The following F9 variants were observed in gnomAD, a reference collection of about 807,000 sequenced individuals.
F9 encodes coagulation factor IX, also known as Christmas factor.
Under a neutral mutation model 34.1 loss-of-function variants are expected in F9, and 2 were observed. The observed-to-expected ratio is 0.06, with a 90% confidence interval of 0.02 to 0.18. The LOEUF is 0.18. Ranked by LOEUF, F9 falls within the 10% of genes least tolerant of loss-of-function variation. The pLI is 1.00. For synonymous variants in F9, 137 were observed against 118.8 expected (o/e 1.15, Z -1.00); for missense variants, 216 against 345.1 (o/e 0.63, Z 2.96).
Position 139,541,150 on chromosome X carries a change from T to C in F9, c.352T>C (p.Trp118Arg). ...GGATGACATTAATTCCTATGAATGT[T>C]GGTGTCCCTTTGGATTTGAAGGAAA... ...CKDDINSYEC[W>R]CPFGFEGKNC... Residue 118 changes from tryptophan to arginine, a missense_variant, in exon 4 of 8, where the codon TGG becomes CGG. Coordinates refer to ENST00000218099, the MANE Select transcript of F9 (RefSeq NM_000133.4). The C allele has an allele frequency of 8.3e-7, 1 of 1,198,455 alleles. No individual in the cohort carries two copies. Among genetic ancestry groups the C allele is most frequent in the Non-Finnish European group, 1.1e-6 (1 of 885,612 alleles).
intron 6 of F9, among the ~76,000 whole-genome samples, chrX:139,557,337 T>C (rs1369837757): frequency 8.9e-6 from 1 of 112,234 alleles, no homozygotes; most frequent in Non-Finnish European, 1.9e-5. Flanking sequence ...ACCAAGTAGT[T>C]TGTAATATCT....
rs1172351818 is a variant in F9 at position 139,562,497 on chromosome X, C to T, written c.*426C>T. On this transcript the variant is annotated 3_prime_UTR_variant, in exon 8 of 8. Coordinates refer to ENST00000218099, the MANE Select transcript of F9 (RefSeq NM_000133.4). ...ACAGGATCTTTGGTCTACTCTATCA[C>T]AAGGCCAGTACCACACTCATGAAGA... The T allele has an allele frequency of 6.8e-6, 1 of 146,598 alleles. No individual in the cohort carries two copies. Among genetic ancestry groups the T allele is most frequent in the Admixed American group, 7.6e-5 (1 of 13,114 alleles). The allele number at this position is 146,598 out of a possible 1,213,427, so 12.1% of individuals were successfully genotyped here.
intron 3 of F9, among the ~76,000 whole-genome samples, chrX:139,540,454 C>T (rs1927577376): frequency 8.9e-6 from 1 of 111,838 alleles, no homozygotes; most frequent in Non-Finnish European, 1.9e-5. Flanking sequence ...CCATTTGAAA[C>T]CGAATTTGTA....
intron 1 of F9, among the ~76,000 whole-genome samples, chrX:139,532,591 C>G (rs780520320): frequency 9.0e-6 from 1 of 111,085 alleles, no homozygotes; most frequent in African/African-American, 3.3e-5. Context: ...AGCATGAGGC[C>G]AGGTGAGAGG....
intron 1 of F9, among the ~76,000 whole-genome samples, chrX:139,535,113 G>A (rs1350329622): frequency 9.0e-6 from 1 of 111,313 alleles, no homozygotes; most frequent in Non-Finnish European, 1.9e-5. Flanking sequence ...CACTTTCAGA[G>A]GCCCAGGCAG....
intron 5 of F9, among the ~76,000 whole-genome samples, chrX:139,550,239 A>C (rs1335158149): frequency 1.8e-5 from 2 of 112,445 alleles, no homozygotes; most frequent in Non-Finnish European, 3.7e-5. Context: ...ACACTTATAC[A>C]TAAGTATTTT....
Position 139,561,582 on chromosome X carries a change from T to G in F9, c.897T>G (p.Ile299Met). ...HTEQKRNVIR[I>M]IPHHNYNAAI... Reference sequence around the variant, plus strand: ...AGCAAAAGCGAAATGTGATTCGAATTATTCCTCACCACAACTACAATGCAG... The same window carrying G: ...AGCAAAAGCGAAATGTGATTCGAATGATTCCTCACCACAACTACAATGCAG... The change falls in exon 8 of 8, where the codon ATT becomes ATG. Residue 299 changes from isoleucine to methionine, a missense_variant. By Grantham distance (10) the Ile-to-Met change is conservative (BLOSUM62 1). Transcript: ENST00000218099. 8.3e-7 allele frequency: 1 copy of G among 1,207,912 alleles called. No homozygotes were observed. Among genetic ancestry groups the G allele is most frequent in the Non-Finnish European group, 1.1e-6 (1 of 892,754 alleles).
intron 7 of F9, 64 bp downstream of exon 7, chrX:139,560,919 A>G: frequency 5.9e-6 from 5 of 851,731 alleles, no homozygotes; most frequent in South Asian, 2.0e-5. Flanking sequence ...TTGGTACACC[A>G]TATTTTACTA....
intron 3 of F9, among the ~76,000 whole-genome samples, chrX:139,538,755 C>T (rs1453126537): frequency 2.7e-5 from 3 of 110,471 alleles, no homozygotes; most frequent in South Asian, 3.9e-4. Flanking sequence ...AAATCCATGC[C>T]GATTTTCCCC....
At chrX:139,557,556 A>G (rs4149729) in intron 6 of F9, among the ~76,000 whole-genome samples, 42 of 112,131 alleles carry the variant, frequency 3.7e-4, no homozygotes, top group African/African-American at 1.4e-3. Flanking sequence ...GATGTCATCC[A>G]TCCTGGCCTA....
In F9 at chrX:139,536,943, G is replaced by C. The variant is rs756939161; in HGVS notation, c.89-67G>C. ...GGATTAAAAACAAAGACTTTCTTAAGAGATGTAAAATTTTCATGATGTTTT... is the reference window on the plus strand; with the variant it reads ...GGATTAAAAACAAAGACTTTCTTAACAGATGTAAAATTTTCATGATGTTTT... On this transcript the variant is annotated intron_variant, in intron 1 of 7. Transcript: ENST00000218099. The C allele has an allele frequency of 3.0e-5, 32 of 1,055,534 alleles. No homozygotes were observed. The Admixed American group carries it at 7.7e-4, about 25-fold the overall frequency. The allele number at this position is 1,055,534 out of a possible 1,213,427, so 87.0% of individuals were successfully genotyped here.
chrX:139,559,264 G>A (rs1046807221), intron 6 of F9, among the ~76,000 whole-genome samples: 1 of 112,391 alleles, frequency 8.9e-6, no homozygotes, highest in African/African-American at 3.2e-5. Context: ...GCTAGAAAAA[G>A]AGGGAAATGG....
intron 6 of F9, among the ~76,000 whole-genome samples, chrX:139,555,142 G>T (rs1927937114): frequency 8.9e-6 from 1 of 112,208 alleles, no homozygotes; most frequent in African/African-American, 3.2e-5. Context: ...AGCATTGGGA[G>T]CAAATGTTGA....
At chrX:139,537,862 CTGTCACTTCT>C (rs1378912816) in intron 3 of F9, among the ~76,000 whole-genome samples, 31 of 111,416 alleles carry the variant, frequency 2.8e-4, no homozygotes, top group Non-Finnish European at 3.8e-4. Flanking sequence ...CCTGGCCTTC[CTGTCACTTCT>C]TGCACACTCT....
intron 6 of F9, among the ~76,000 whole-genome samples, chrX:139,559,463 C>T (rs893247613): frequency 7.3e-5 from 8 of 109,451 alleles, no homozygotes; most frequent in Admixed American, 2.9e-4. Context: ...ACCTGGGAGG[C>T]GGAGGTTGCA....
chrX:139,542,284 A>G (rs1364678015), intron 4 of F9, among the ~76,000 whole-genome samples: 2 of 112,148 alleles, frequency 1.8e-5, no homozygotes, highest in Non-Finnish European at 3.8e-5. Context: ...AGGTAAAAAA[A>G]GGAAAAGGTG....
intron 4 of F9, among the ~76,000 whole-genome samples, chrX:139,544,365 A>G (rs1275120273): frequency 9.1e-6 from 1 of 110,322 alleles, no homozygotes; most frequent in Admixed American, 9.7e-5. Context: ...TTAATTAATT[A>G]ATTAATTAAT....
chrX:139,531,889 T>C (rs1032080134), intron 1 of F9, among the ~76,000 whole-genome samples: 7 of 112,256 alleles, frequency 6.2e-5, no homozygotes, highest in Admixed American at 4.7e-4. Context: ...GAGGTTAAAC[T>C]AGCAAAGTGA....
intron 4 of F9, among the ~76,000 whole-genome samples, chrX:139,541,648 T>C (rs1330472990): frequency 9.0e-6 from 1 of 111,607 alleles, no homozygotes; most frequent in South Asian, 3.8e-4. Context: ...TCAACATAGG[T>C]AGTGAAAGTC....
Sources: gnomAD v4.1 joint callset for allele counts (sites outside exome capture counted in the v4.1 genomes callset) on GRCh38, gnomAD v4.1.1 for gene constraint, MANE v1.5 for transcripts, NCBI Gene and HGNC (gene_info 2026-07-23, HGNC 2026-07-21) for gene names.